Variants in RBPJ observed in about 807,000 individuals in gnomAD.
RBPJ encodes the protein recombination signal binding protein for immunoglobulin kappa J region.
Under a neutral mutation model 67.8 loss-of-function variants are expected in RBPJ, and 9 were observed. That is an observed-to-expected ratio of 0.13 (90% CI 0.08 to 0.23). The LOEUF is 0.23. Among genes scored for constraint, RBPJ ranks in the 10% least tolerant of loss-of-function variants. The pLI is 1.00. For missense variants in RBPJ, 305 were observed against 595.6 expected, an observed-to-expected ratio of 0.51 and a Z score of 5.08; for synonymous variants, 198 against 203.3, an observed-to-expected ratio of 0.97 and a Z score of 0.22.
chr4:26,206,875 T>A (rs998496948), intron 1 of RBPJ, among the ~76,000 whole-genome samples: 25 of 152,130 alleles, frequency 1.6e-4, no homozygotes, highest in African/African-American at 5.6e-4. Context: ...GGTAGTTTTT[T>A]AAAGGAGGAT....
At chr4:26,338,962 G>A (rs111473127) in intron 1 of RBPJ, among the ~76,000 whole-genome samples, 213 of 151,940 alleles carry the variant, frequency 1.4e-3, no homozygotes, top group African/African-American at 4.8e-3. Flanking sequence ...TGGAACTACA[G>A]CTGTGCGCCA....
At chr4:26,126,816 T>C in the RBPJ span, among the ~76,000 whole-genome samples, 4 of 152,174 alleles carry the variant, frequency 2.6e-5, no homozygotes, top group Non-Finnish European at 5.9e-5. Flanking sequence ...ATCAAATAAG[T>C]TGAGTTTATT....
At chr4:26,391,050 C>G (rs1560316586) in intron 2 of RBPJ, among the ~76,000 whole-genome samples, 1 of 152,162 alleles carries the variant, frequency 6.6e-6, no homozygotes, top group Non-Finnish European at 1.5e-5. Context: ...GAGCGAGACC[C>G]TGTCTCAAAT....
At chr4:26,417,195 A>T (rs561370556) in intron 4 of RBPJ, among the ~76,000 whole-genome samples, 1 of 152,308 alleles carries the variant, frequency 6.6e-6, no homozygotes, top group Non-Finnish European at 1.5e-5. Context: ...ACCTGTGTGT[A>T]TAACTGTTTA....
At chr4:26,150,753 G>A in the RBPJ span, among the ~76,000 whole-genome samples, 1 of 152,160 alleles carries the variant, frequency 6.6e-6, no homozygotes, top group East Asian at 1.9e-4. Context: ...CAAAGCAGGA[G>A]CACATACCCC....
intron 2 of RBPJ, among the ~76,000 whole-genome samples, chr4:26,392,995 C>T (rs1731687252): frequency 6.6e-6 from 1 of 151,964 alleles, no homozygotes; most frequent in South Asian, 2.1e-4. Flanking sequence ...GTACAGGTGC[C>T]TGCCACCATG....
chr4:26,278,866 T>A (rs994316167), intron 1 of RBPJ, among the ~76,000 whole-genome samples: 11 of 152,192 alleles, frequency 7.2e-5, no homozygotes, highest in African/African-American at 2.7e-4. Context: ...ACTTACATGA[T>A]ATCTGGCAGG....
intron 3 of RBPJ, among the ~76,000 whole-genome samples, chr4:26,408,962 T>C (rs565307726): frequency 3.9e-5 from 6 of 152,354 alleles, no homozygotes; most frequent in East Asian, 3.9e-4. Flanking sequence ...CTAGGTGAGA[T>C]TGGGCTAGCC....
At chr4:26,339,484 A>G (rs932988890) in intron 1 of RBPJ, among the ~76,000 whole-genome samples, 3 of 151,656 alleles carry the variant, frequency 2.0e-5, no homozygotes, top group Non-Finnish European at 4.4e-5. Context: ...AAATACAAAA[A>G]TTAGCTGGGT....
intron 1 of RBPJ, among the ~76,000 whole-genome samples, chr4:26,236,163 G>A (rs1719443432): frequency 3.9e-5 from 6 of 152,236 alleles, no homozygotes. Context: ...ATTGAGGAAA[G>A]AGGTCCTTTG....
chr4:26,431,057 T>A lies in RBPJ; in HGVS notation c.*50T>A, dbSNP rs1204173441. 4 of 1,518,672 alleles carry A rather than the reference T, an allele frequency of 2.6e-6. No homozygotes were observed. The highest frequency in any genetic ancestry group is 3.7e-5 in the Admixed American group (2 of 54,754). The allele number at this position is 1,518,672 out of a possible 1,614,324, so 94.1% of individuals were successfully genotyped here. On this transcript the variant is annotated 3_prime_UTR_variant, in exon 11 of 11. Coordinates refer to ENST00000355476, the MANE Select transcript of RBPJ (RefSeq NM_015874.6). The stretch of plus-strand genomic sequence containing the variant: ...AACTGACTTGAGTGTGGCAAAAAGT[T>A]AACAAAAAAGGAGAAAAAATGAACA...
At chr4:26,109,708 CCTCT>C in the RBPJ span, among the ~76,000 whole-genome samples, 22 of 49,400 alleles carry the variant, frequency 4.5e-4, 1 homozygote, top group African/African-American at 5.5e-4. Flanking sequence ...TGTCCACCTT[CCTCT>C]CTCTCTCTCT....
intron 1 of RBPJ, among the ~76,000 whole-genome samples, chr4:26,170,542 TAA>T (rs147313399): frequency 4.8e-5 from 6 of 125,704 alleles, no homozygotes; most frequent in Non-Finnish European, 4.9e-5. Context: ...AGGCCCTGTC[TAA>T]AAAAAAAAAA....
Position 26,385,124 on chromosome 4 carries a change from G to A in RBPJ, c.21-1229G>A, listed in dbSNP as rs180945901. On this transcript the variant is annotated intron_variant, in intron 1 of 10. Coordinates refer to ENST00000355476, the MANE Select transcript of RBPJ (RefSeq NM_015874.6). ...CAACCACTGCCTCCTGGGTTCAAGC[G>A]ATTCTCCTGCCTCAGCCTCCCAAGT... Among the ~76,000 whole-genome samples, 1,148 of 149,060 alleles carry A rather than the reference G, an allele frequency of 7.7e-3. 23 individuals are homozygous for A. The highest frequency in any genetic ancestry group is 0.027 in the African/African-American group (1,106 of 40,230).
At chr4:26,260,098 A>G (rs1232179298) in intron 1 of RBPJ, among the ~76,000 whole-genome samples, 1 of 152,234 alleles carries the variant, frequency 6.6e-6, no homozygotes, top group African/African-American at 2.4e-5. Flanking sequence ...ATTTTGGAGC[A>G]AAACAGATTT....
intron 1 of RBPJ, among the ~76,000 whole-genome samples, chr4:26,182,111 G>A (rs1560200127): frequency 6.6e-6 from 1 of 152,218 alleles, no homozygotes; most frequent in South Asian, 2.1e-4. Context: ...GGGAGGCCGA[G>A]GCAGCCGGAT....
intron 1 of RBPJ, among the ~76,000 whole-genome samples, chr4:26,249,617 C>T (rs908336636): frequency 1.3e-5 from 2 of 151,964 alleles, no homozygotes; most frequent in African/African-American, 2.4e-5. Context: ...GCCGAGATCC[C>T]GCCACTGCAC....
At chr4:26,344,780 A>G (rs1725960550) in intron 1 of RBPJ, among the ~76,000 whole-genome samples, 1 of 152,172 alleles carries the variant, frequency 6.6e-6, no homozygotes, top group Admixed American at 6.6e-5. Context: ...ATGTGGGGTT[A>G]TGGTCAGTAT....
intron 2 of RBPJ, among the ~76,000 whole-genome samples, chr4:26,398,645 G>A (rs994317391): frequency 4.6e-5 from 7 of 151,906 alleles, no homozygotes; most frequent in African/African-American, 1.7e-4. Flanking sequence ...ACAGAGTCTC[G>A]CTCTGTCGCC....
Sources: gnomAD v4.1 joint callset for allele counts (sites outside exome capture counted in the v4.1 genomes callset) on GRCh38, gnomAD v4.1.1 for gene constraint, MANE v1.5 for transcripts, NCBI Gene and HGNC (gene_info 2026-07-23, HGNC 2026-07-21) for gene names.